The following GALNT14 variants were observed in gnomAD, a reference collection of about 807,000 sequenced individuals.
GALNT14 encodes polypeptide N-acetylgalactosaminyltransferase 14.
GALNT14 carries 60 observed loss-of-function variants against 77.5 expected under a neutral mutation model. That is an observed-to-expected ratio of 0.77 (90% CI 0.63 to 0.96). The LOEUF is 0.96. Among genes scored for constraint, GALNT14 ranks in the 40% least tolerant of loss-of-function variants. The probability of loss-of-function intolerance (pLI) is 0.00; values close to 1 mark genes in which losing one functional copy is unlikely to be tolerated. For missense variants in GALNT14, 710 were observed against 731.0 expected, an observed-to-expected ratio of 0.97 and a Z score of 0.33; for synonymous variants, 280 against 281.7, an observed-to-expected ratio of 0.99 and a Z score of 0.06.
At chr2:31,016,172 A>G (rs12463736) in intron 1 of GALNT14, among the ~76,000 whole-genome samples, 34,252 of 152,072 alleles carry the variant, frequency 0.23, 4,633 homozygotes, top group African/African-American at 0.36. Context: ...GAACAGGGTT[A>G]GTTTCTCCTG....
chr2:30,944,816 G>A, intron 8 of GALNT14, 42 bp downstream of exon 8: 1 of 1,463,200 alleles, frequency 6.8e-7, no homozygotes, highest in Non-Finnish European at 9.3e-7. Context: ...AGGATCCAGT[G>A]GTGATGGTCT....
chr2:31,052,652 A>G (rs1390796724), intron 1 of GALNT14, among the ~76,000 whole-genome samples: 1 of 146,836 alleles, frequency 6.8e-6, no homozygotes, highest in Admixed American at 6.7e-5. Context: ...TGGGAGAGCA[A>G]CTCCAGCCTC....
intron 1 of GALNT14, among the ~76,000 whole-genome samples, chr2:31,114,225 T>G (rs1285456235): frequency 6.6e-6 from 1 of 151,356 alleles, no homozygotes; most frequent in African/African-American, 2.4e-5. Flanking sequence ...ACATCACCAT[T>G]CTCTGCTGAC....
intron 1 of GALNT14, among the ~76,000 whole-genome samples, chr2:31,054,939 G>T (rs1048178079): frequency 6.6e-6 from 1 of 152,206 alleles, no homozygotes; most frequent in African/African-American, 2.4e-5. Context: ...AAGAACTAAA[G>T]GGTTCTCATG....
intron 1 of GALNT14, among the ~76,000 whole-genome samples, chr2:31,076,148 G>GCC (rs1450135259): frequency 6.6e-6 from 1 of 152,148 alleles, no homozygotes; most frequent in African/African-American, 2.4e-5. Context: ...AGGAGGCCAG[G>GCC]ACATGATGCT....
chr2:31,029,302 C>A (rs187456098), intron 1 of GALNT14, among the ~76,000 whole-genome samples: 35 of 152,226 alleles, frequency 2.3e-4, no homozygotes, highest in African/African-American at 5.8e-4. Context: ...ATTAAACAGA[C>A]CCTGCCACCT....
chr2:30,945,648 T>C (rs1666647657), intron 7 of GALNT14, 135 bp downstream of exon 7: 1 of 707,788 alleles, frequency 1.4e-6, no homozygotes. Flanking sequence ...CAAGCTAAGG[T>C]AATTATAGTG....
intron 1 of GALNT14, among the ~76,000 whole-genome samples, chr2:31,005,065 G>A (rs1670586694): frequency 6.6e-6 from 1 of 152,076 alleles, no homozygotes; most frequent in Non-Finnish European, 1.5e-5. Context: ...TTGGCCTGCT[G>A]GCCACCAAAT....
intron 1 of GALNT14, among the ~76,000 whole-genome samples, chr2:31,043,522 G>A (rs1673231442): frequency 6.6e-6 from 1 of 152,174 alleles, no homozygotes. Flanking sequence ...AAGGACTCCA[G>A]CCAAAAACAC....
intron 10 of GALNT14, among the ~76,000 whole-genome samples, chr2:30,929,764 G>A (rs1047966419): frequency 6.6e-6 from 1 of 152,146 alleles, no homozygotes; most frequent in Admixed American, 6.5e-5. Context: ...TTGGATTTGG[G>A]GTTTTTTAAA....
chr2:30,915,272 G>A (rs1322010650), intron 13 of GALNT14, among the ~76,000 whole-genome samples: 1 of 152,124 alleles, frequency 6.6e-6, no homozygotes, highest in East Asian at 1.9e-4. Context: ...TGCCTTTCAG[G>A]AAGAAATGCA....
At chr2:31,069,374 G>A (rs1401184197) in intron 1 of GALNT14, among the ~76,000 whole-genome samples, 4 of 152,270 alleles carry the variant, frequency 2.6e-5, no homozygotes, top group South Asian at 4.1e-4. Context: ...CCCTCTAATC[G>A]CTGTATTTAT....
At chr2:31,024,587 C>G (rs1362500296) in intron 1 of GALNT14, among the ~76,000 whole-genome samples, 1 of 152,212 alleles carries the variant, frequency 6.6e-6, no homozygotes, top group Non-Finnish European at 1.5e-5. Context: ...TCTTCCAAGA[C>G]TTGTCTGGAC....
chr2:31,019,901 G>C (rs1411051242), intron 1 of GALNT14, among the ~76,000 whole-genome samples: 3 of 152,150 alleles, frequency 2.0e-5, no homozygotes, highest in South Asian at 4.1e-4. Context: ...CAATAGAAAG[G>C]CTTACTCTTG....
At chr2:31,068,927 A>G (rs557161114) in intron 1 of GALNT14, among the ~76,000 whole-genome samples, 5 of 152,342 alleles carry the variant, frequency 3.3e-5, no homozygotes, top group Admixed American at 3.3e-4. Flanking sequence ...GATTCTATTT[A>G]TATGAAATGT....
At chr2:31,040,444 C>T (rs1673031604) in intron 1 of GALNT14, among the ~76,000 whole-genome samples, 1 of 152,116 alleles carries the variant, frequency 6.6e-6, no homozygotes, top group African/African-American at 2.4e-5. Context: ...TGAGAAGGGT[C>T]CCTGAGGCTG....
At chr2:30,900,397 T>C in the GALNT14 span, among the ~76,000 whole-genome samples, 1 of 152,238 alleles carries the variant, frequency 6.6e-6, no homozygotes, top group African/African-American at 2.4e-5. Context: ...TTTTTATTGT[T>C]ATAAATTTGT....
At position 31,035,618 on chromosome 2, in the gene GALNT14, TACACACACACACACACAC is replaced by T. The variant is rs530565205; in HGVS notation, c.130-42629_130-42612del. The stretch of plus-strand genomic sequence containing the variant: ...ATACATATACACACACACACACACC[TACACACACACACACACAC>T]ACACACACACACACACACACACTAT... On this transcript the variant is annotated intron_variant, in intron 1 of 14. Coordinates refer to ENST00000349752, the MANE Select transcript of GALNT14 (RefSeq NM_024572.4). Among the ~76,000 whole-genome samples the T allele has an allele frequency of 1.5e-3, 77 of 51,248 alleles. 3 individuals carry two copies. The East Asian group carries it at 0.017, about 11-fold the overall frequency. The allele number at this position is 51,248 out of a possible 152,430, so 33.6% of individuals were successfully genotyped here.
At chr2:31,091,723 G>T (rs1676752636) in intron 1 of GALNT14, among the ~76,000 whole-genome samples, 1 of 152,222 alleles carries the variant, frequency 6.6e-6, no homozygotes, top group South Asian at 2.1e-4. Flanking sequence ...TCTTCTCGCT[G>T]TTGCCTAACA....
Sources: allele counts gnomAD v4.1 joint callset (sites outside exome capture counted in the v4.1 genomes callset), GRCh38; gene constraint gnomAD v4.1.1; transcripts MANE v1.5; gene names NCBI Gene and HGNC (gene_info 2026-07-23, HGNC 2026-07-21).